LOC400499: variants seen among roughly 807,000 people sequenced by gnomAD.
chr16:11,517,918 G>A, the LOC400499 span, among the ~76,000 whole-genome samples: 13 of 152,180 alleles, frequency 8.5e-5, no homozygotes, highest in Non-Finnish European at 1.9e-4. Flanking sequence ...AAAACCCTGG[G>A]GAACAGATAT....
the LOC400499 span, chr16:11,417,584 T>C: frequency 2.5e-6 from 1 of 397,804 alleles, no homozygotes; most frequent in Non-Finnish European, 4.4e-6. Flanking sequence ...GGCCCAGGCA[T>C]GGAGGAAGCC....
chr16:11,440,846 G>T, the LOC400499 span: 1 of 399,052 alleles, frequency 2.5e-6, no homozygotes, highest in Non-Finnish European at 4.4e-6. Context: ...AAGCTCAGCT[G>T]GGAAGAAATA....
At chr16:11,400,131 T>C in the LOC400499 span, among the ~76,000 whole-genome samples, 1 of 150,696 alleles carries the variant, frequency 6.6e-6, no homozygotes, top group Non-Finnish European at 1.5e-5. Flanking sequence ...ACCGTGCTCC[T>C]CACTGGGGCC....
At chr16:11,406,711 C>T in the LOC400499 span, among the ~76,000 whole-genome samples, 21 of 152,332 alleles carry the variant, frequency 1.4e-4, no homozygotes, top group African/African-American at 2.6e-4. Flanking sequence ...GGATTACAGG[C>T]GCGAGCCACC....
the LOC400499 span, among the ~76,000 whole-genome samples, chr16:11,376,680 T>C: frequency 8.5e-5 from 13 of 152,222 alleles, no homozygotes; most frequent in Non-Finnish European, 1.6e-4. Context: ...TGGAGTCCCT[T>C]GAAATTGTGT....
At chr16:11,467,659 G>C in the LOC400499 span, among the ~76,000 whole-genome samples, 7 of 152,032 alleles carry the variant, frequency 4.6e-5, no homozygotes, top group Admixed American at 2.0e-4. Flanking sequence ...CATGACAACT[G>C]GGTTTTCATG....
chr16:11,497,313 T>C, the LOC400499 span, among the ~76,000 whole-genome samples: 2 of 152,212 alleles, frequency 1.3e-5, no homozygotes, highest in Non-Finnish European at 2.9e-5. Flanking sequence ...GTGTGGAGCC[T>C]GGAAAAAGCA....
the LOC400499 span, chr16:11,485,166 A>G: frequency 2.5e-6 from 1 of 398,084 alleles, no homozygotes; most frequent in Non-Finnish European, 4.4e-6. Flanking sequence ...GAGGACCCAG[A>G]AGGCTTGAGC....
At chr16:11,481,109 A>G in the LOC400499 span, among the ~76,000 whole-genome samples, 1 of 152,246 alleles carries the variant, frequency 6.6e-6, no homozygotes, top group Non-Finnish European at 1.5e-5. Flanking sequence ...CAAAGGTCAC[A>G]TATTATATGG....
chr16:11,443,347 A>G, the LOC400499 span: 1 of 392,886 alleles, frequency 2.5e-6, no homozygotes, highest in South Asian at 1.9e-5. Context: ...AAAAAAAAAA[A>G]AAAAAAAAAA....
chr16:11,411,864 T>C, the LOC400499 span, among the ~76,000 whole-genome samples: 52 of 149,696 alleles, frequency 3.5e-4, no homozygotes, highest in Admixed American at 6.6e-4. Flanking sequence ...TCTTTTTTTT[T>C]TTTTCCTTCT....
the LOC400499 span, among the ~76,000 whole-genome samples, chr16:11,492,478 G>A: frequency 3.3e-5 from 5 of 152,164 alleles, no homozygotes; most frequent in African/African-American, 1.2e-4. Flanking sequence ...ATTAGCATGT[G>A]AAATACATAA....
chr16:11,426,737 T>C, the LOC400499 span, among the ~76,000 whole-genome samples: 3 of 151,146 alleles, frequency 2.0e-5, no homozygotes, highest in Non-Finnish European at 2.9e-5. Context: ...CAGACCAGCC[T>C]GGGCAACAAA....
the LOC400499 span, chr16:11,384,161 G>T: frequency 8.2e-7 from 1 of 1,213,726 alleles, no homozygotes; most frequent in Non-Finnish European, 1.0e-6. Context: ...ACTCTGCAGT[G>T]AGCAGCCCTC....
chr16:11,405,559 C>T, the LOC400499 span, among the ~76,000 whole-genome samples: 7 of 152,128 alleles, frequency 4.6e-5, no homozygotes, highest in Non-Finnish European at 8.8e-5. Flanking sequence ...CGGAGAGGGA[C>T]GCCGTCCCTG....
the LOC400499 span, among the ~76,000 whole-genome samples, chr16:11,418,944 T>A: frequency 6.6e-6 from 1 of 152,140 alleles, no homozygotes; most frequent in Non-Finnish European, 1.5e-5. Context: ...GGCGGACAGA[T>A]CACTTGAGGT....
the LOC400499 span, chr16:11,431,127 G>C: frequency 5.0e-6 from 2 of 399,002 alleles, no homozygotes; most frequent in Non-Finnish European, 8.8e-6. Context: ...GCCGGGTTTG[G>C]CTCTGGAAAG....
chr16:11,401,904 C>T, the LOC400499 span: 3 of 397,870 alleles, frequency 7.5e-6, no homozygotes, highest in Non-Finnish European at 1.3e-5. Context: ...CCCACAGTCC[C>T]TTGGGGATGT....
At chr16:11,504,908 G>T in the LOC400499 span, among the ~76,000 whole-genome samples, 1 of 151,948 alleles carries the variant, frequency 6.6e-6, no homozygotes, top group Non-Finnish European at 1.5e-5. Context: ...GGGCGAAAGA[G>T]CAAGACCCTG....
Sources: allele counts gnomAD v4.1 joint callset (sites outside exome capture counted in the v4.1 genomes callset), GRCh38; gene constraint gnomAD v4.1.1; transcripts MANE v1.5.